GRIN2B: variants seen among roughly 807,000 people sequenced by gnomAD.
The protein encoded by GRIN2B is glutamate ionotropic receptor NMDA type subunit 2B, also known as glutamate receptor ionotropic, NMDA 2B.
In GRIN2B, 5 loss-of-function variants were observed where a neutral mutation model predicts 114.5. The observed-to-expected ratio is 0.04, with a 90% confidence interval of 0.02 to 0.09. The LOEUF is 0.09. Among genes scored for constraint, GRIN2B ranks in the 10% least tolerant of loss-of-function variants. The pLI is 1.00. For synonymous variants in GRIN2B, 787 were observed against 745.1 expected (o/e 1.06, Z -0.92); for missense variants, 1,108 against 1,943.5 (o/e 0.57, Z 8.08).
At chr12:13,735,452 G>T (rs746490238) in intron 4 of GRIN2B, among the ~76,000 whole-genome samples, 3 of 152,196 alleles carry the variant, frequency 2.0e-5, no homozygotes, top group Non-Finnish European at 2.9e-5. Context: ...AAAGCATACT[G>T]TATTTGAGAA....
Position 13,820,505 on chromosome 12 carries a change from C to T in GRIN2B, c.411+45293G>A, listed in dbSNP as rs1864913593. Among the ~76,000 whole-genome samples, 4 of 152,298 alleles carry T rather than the reference C, an allele frequency of 2.6e-5. 1 individual carries two copies. In the South Asian group the frequency reaches 8.3e-4, roughly 32 times the overall value. On this transcript the variant is annotated intron_variant, in intron 3 of 13. Coordinates refer to ENST00000609686, the MANE Select transcript of GRIN2B (RefSeq NM_000834.5). ...CTTAGAAATTGTTTTTCTCTGTATT[C>T]TGACAGCACGCATTGTTCACCCCTG...
chr12:13,966,218 C>T (rs1167268369), intron 2 of GRIN2B, among the ~76,000 whole-genome samples: 2 of 152,032 alleles, frequency 1.3e-5, no homozygotes, highest in Non-Finnish European at 2.9e-5. Context: ...TTGGGAAGAC[C>T]AAATAATGTA....
Position 13,558,290 on chromosome 12 carries a change from T to TCTGAATCATTCCTAACATAC in GRIN2B, c.*4473_*4492dup, listed in dbSNP as rs1948498209. The stretch of plus-strand genomic sequence containing the variant: ...TGCAGTGACATCATTTATGCACACA[T>TCTGAATCATTCCTAACATAC]CTGAATCATTCCTAACATACAAAAA... On this transcript the variant is annotated 3_prime_UTR_variant, in exon 14 of 14. Transcript: ENST00000609686. 2.6e-5 allele frequency: 4 copies of TCTGAATCATTCCTAACATAC among 152,088 alleles called. No individual in the cohort carries two copies. Among genetic ancestry groups the TCTGAATCATTCCTAACATAC allele is most frequent in the African/African-American group, 7.3e-5 (3 of 41,372 alleles). The allele number at this position is 152,088 out of a possible 1,614,324, so 9.4% of individuals were successfully genotyped here.
rs541489594 is a variant in GRIN2B, at chr12:13,953,706, C to A, written c.-19+26222G>T. ...TCCCTGACTGACATTCTCTGCCAGG[C>A]AGCCACCACTTGTTCCATTCTCAGT... On this transcript the variant is annotated intron_variant, in intron 2 of 13. Coordinates refer to ENST00000609686, the MANE Select transcript of GRIN2B (RefSeq NM_000834.5). 8.5e-5 allele frequency among the ~76,000 whole-genome samples: 13 copies of A among 152,300 alleles called. No individual in the cohort carries two copies. In the East Asian group the frequency reaches 2.5e-3, roughly 30 times the overall value.
At chr12:13,579,758 T>C (rs1948822164) in intron 10 of GRIN2B, among the ~76,000 whole-genome samples, 1 of 152,242 alleles carries the variant, frequency 6.6e-6, no homozygotes, top group African/African-American at 2.4e-5. Flanking sequence ...AGGGTATGGG[T>C]GCTACAGTCG....
Position 13,550,542 on chromosome 12 carries a change from A to G in GRIN2B, c.*12241T>C, listed in dbSNP as rs1256873787. 2.6e-5 allele frequency: 4 copies of G among 152,166 alleles called. No individual in the cohort carries two copies. Among genetic ancestry groups the G allele is most frequent in the African/African-American group, 9.7e-5 (4 of 41,440 alleles). 9.4% of individuals were successfully genotyped at this position (152,166 alleles called of 1,614,324 possible). On this transcript the variant is annotated 3_prime_UTR_variant, in exon 14 of 14. Transcript: ENST00000609686. Reference sequence around the variant, plus strand: ...AACAGGACTGTCTGTTCTCAGTAGAATGACTTCTGCTTCTCCATCCTCTTA... The same window carrying G: ...AACAGGACTGTCTGTTCTCAGTAGAGTGACTTCTGCTTCTCCATCCTCTTA...
chr12:13,627,778 A>G (rs2136493981), intron 5 of GRIN2B, among the ~76,000 whole-genome samples: 1 of 152,332 alleles, frequency 6.6e-6, no homozygotes, highest in East Asian at 1.9e-4. Context: ...CAGAGTCTAC[A>G]GTCACAGCCA....
intron 3 of GRIN2B, among the ~76,000 whole-genome samples, chr12:13,758,998 A>AG (rs771891565): frequency 0.052 from 4,496 of 86,058 alleles, 294 homozygotes; most frequent in East Asian, 0.14. Context: ...ATCTAGTTCA[A>AG]TTTTTTTTTT....
rs376926586 is a variant in GRIN2B at position 13,907,124 on chromosome 12, A to AT, written c.-18-40899dup. On this transcript the variant is annotated intron_variant, in intron 2 of 13. Coordinates refer to ENST00000609686, the MANE Select transcript of GRIN2B (RefSeq NM_000834.5). ...TCATTCTAAATGTAAAGCAATCTAG[A>AT]TAAAAAAAGTCTTTGCATAAACTCA... Among the ~76,000 whole-genome samples the AT allele has an allele frequency of 2.7e-4, 34 of 125,164 alleles. No homozygotes were observed. In the East Asian group the frequency reaches 0.01, roughly 38 times the overall value. The allele number at this position is 125,164 out of a possible 152,430, so 82.1% of individuals were successfully genotyped here.
At chr12:13,657,685 G>A (rs1194673187) in intron 5 of GRIN2B, among the ~76,000 whole-genome samples, 1 of 152,128 alleles carries the variant, frequency 6.6e-6, no homozygotes, top group Non-Finnish European at 1.5e-5. Flanking sequence ...GGGAAGAGGG[G>A]AGTACAGAGG....
intron 5 of GRIN2B, among the ~76,000 whole-genome samples, chr12:13,628,610 A>G (rs188640274): frequency 2.2e-4 from 33 of 152,380 alleles, no homozygotes; most frequent in Admixed American, 1.6e-3. Flanking sequence ...TTGGTTCTCA[A>G]GCAAATTTCT....
At chr12:13,806,757 C>T (rs1174599638) in intron 3 of GRIN2B, among the ~76,000 whole-genome samples, 1 of 152,062 alleles carries the variant, frequency 6.6e-6, no homozygotes, top group Non-Finnish European at 1.5e-5. Context: ...ACTTGTGTTG[C>T]TCATGCTTTG....
chr12:13,602,674 C>G (rs1166786908), intron 10 of GRIN2B, among the ~76,000 whole-genome samples: 1 of 152,134 alleles, frequency 6.6e-6, no homozygotes, highest in African/African-American at 2.4e-5. Flanking sequence ...CTTCCTATAT[C>G]CCAAAAGAAT....
At chr12:13,611,631 G>T in intron 9 of GRIN2B, 94 bp downstream of exon 9, 2 of 1,236,236 alleles carry the variant, frequency 1.6e-6, no homozygotes, top group East Asian at 2.3e-5. Flanking sequence ...AAATGGATAT[G>T]CTAGGGAAAA....
At chr12:13,905,540 G>A (rs1866523083) in intron 2 of GRIN2B, among the ~76,000 whole-genome samples, 1 of 152,112 alleles carries the variant, frequency 6.6e-6, no homozygotes, top group African/African-American at 2.4e-5. Flanking sequence ...GTGCTGATCT[G>A]TTTCTGCACT....
rs1444387855 is a variant in GRIN2B, at chr12:13,547,797, T to C, written c.*14986A>G. Reference sequence around the variant, plus strand: ...TGATTCTTTTGGAAGTTATTGGGCATCTGCATTTTCCCAGGAGACTTCTCT... The same window carrying C: ...TGATTCTTTTGGAAGTTATTGGGCACCTGCATTTTCCCAGGAGACTTCTCT... On this transcript the variant is annotated 3_prime_UTR_variant, in exon 14 of 14. Transcript: ENST00000609686. 6.6e-6 allele frequency: 1 copy of C among 151,840 alleles called. No homozygotes were observed. The highest frequency in any genetic ancestry group is 1.9e-4 in the East Asian group (1 of 5,178). 9.4% of individuals were successfully genotyped at this position (151,840 alleles called of 1,614,324 possible).
chr12:13,785,515 C>T (rs1864208497), intron 3 of GRIN2B, among the ~76,000 whole-genome samples: 1 of 152,154 alleles, frequency 6.6e-6, no homozygotes, highest in Admixed American at 6.5e-5. Context: ...CCAAGCATGT[C>T]TCCTACTCTC....
In GRIN2B at chr12:13,739,410, AG is replaced by A. The variant is rs1368238762; in HGVS notation, c.1010+13906del. On this transcript the variant is annotated intron_variant, in intron 4 of 13. Coordinates refer to ENST00000609686, the MANE Select transcript of GRIN2B (RefSeq NM_000834.5). ...AAAAAAAAAAAAAAAAAAGAAGAAA[AG>A]GAAAAAAAAAGCTAACTTCTGATGA... Among the ~76,000 whole-genome samples, 269 of 141,288 alleles carry A rather than the reference AG, an allele frequency of 1.9e-3. 3 individuals are homozygous for A. Among genetic ancestry groups the A allele is most frequent in the African/African-American group, 6.3e-3 (240 of 38,062 alleles). 92.7% of individuals were successfully genotyped at this position (141,288 alleles called of 152,430 possible).
chr12:13,908,207 A>T (rs915973126), intron 2 of GRIN2B, among the ~76,000 whole-genome samples: 3 of 152,090 alleles, frequency 2.0e-5, no homozygotes, highest in African/African-American at 4.8e-5. Flanking sequence ...TGAGAAAATC[A>T]CACATATATA....
Sources: gnomAD v4.1 joint callset for allele counts (sites outside exome capture counted in the v4.1 genomes callset) on GRCh38, gnomAD v4.1.1 for gene constraint, MANE v1.5 for transcripts, NCBI Gene and HGNC (gene_info 2026-07-23, HGNC 2026-07-21) for gene names.